Variants in ALX1 observed in about 807,000 individuals in gnomAD.
ALX1 encodes ALX homeobox 1, also known as ALX homeobox protein 1.
In ALX1, 19 loss-of-function variants were observed where a neutral mutation model predicts 31.7. The ratio of observed to expected loss-of-function variants is 0.60; its 90% CI spans 0.42 to 0.88. The LOEUF (loss-of-function observed/expected upper bound fraction) is 0.88, where lower values mean the gene tolerates loss of function less well. Ranked by LOEUF, ALX1 falls within the 40% of genes least tolerant of loss-of-function variation. The probability of loss-of-function intolerance (pLI) is 0.00; values close to 1 mark genes in which losing one functional copy is unlikely to be tolerated. For synonymous variants in ALX1, 153 were observed against 148.8 expected, an observed-to-expected ratio of 1.03 and a Z score of -0.20; for missense variants, 415 against 407.8, an observed-to-expected ratio of 1.02 and a Z score of -0.15.
rs1309358656 is a variant in ALX1 at position 85,280,467 on chromosome 12, C to T, written c.206C>T (p.Ser69Leu). The T allele has an allele frequency of 4.3e-6, 7 of 1,611,212 alleles. No homozygotes were observed. The highest frequency in any genetic ancestry group is 1.7e-5 in the Admixed American group (1 of 59,992). ...CATCACGTGCGCTTGGAGAGGACCT[C>T]GCCCTGTCAGGACAGCAGCGGTGAG... ...AEHHVRLERT[S>L]PCQDSSVNYG... is the part of the protein sequence containing the mutation. The change falls in exon 1 of 4, where the codon TCG becomes TTG. Residue 69 changes from serine to leucine, a missense_variant. Ser to Leu is a moderately radical substitution (Grantham distance 145). Coordinates refer to ENST00000316824, the MANE Select transcript of ALX1 (RefSeq NM_006982.3).
At chr12:85,289,706 G>A (rs868312159) in intron 3 of ALX1, among the ~76,000 whole-genome samples, 35 of 151,062 alleles carry the variant, frequency 2.3e-4, no homozygotes, top group Admixed American at 6.6e-4. Flanking sequence ...CAAAATTTCC[G>A]AAATTATGTG....
chr12:85,284,546 A>T (rs1392799349), intron 2 of ALX1, among the ~76,000 whole-genome samples: 2 of 152,134 alleles, frequency 1.3e-5, no homozygotes, highest in Admixed American at 6.5e-5. Flanking sequence ...TAATGGCTTT[A>T]AAGTAAATTT....
rs151189365 is a variant in ALX1, at chr12:85,297,963, T to C, written c.661-3192T>C. ...TCATCCATAAAATTTTGATTATATCTGCAAGATGGATCAGTCCATATTTTT... is the reference window on the plus strand; with the variant it reads ...TCATCCATAAAATTTTGATTATATCCGCAAGATGGATCAGTCCATATTTTT... On this transcript the variant is annotated intron_variant, in intron 3 of 3. Coordinates refer to ENST00000316824, the MANE Select transcript of ALX1 (RefSeq NM_006982.3). Among the ~76,000 whole-genome samples the C allele has an allele frequency of 5.2e-3, 784 of 151,828 alleles. 3 individuals carry two copies. The highest frequency in any genetic ancestry group is 0.018 in the African/African-American group (744 of 41,514).
Position 85,286,945 on chromosome 12 carries a change from T to G in ALX1, c.624T>G (p.Asp208Glu). The G allele has an allele frequency of 6.2e-7, 1 of 1,612,216 alleles. No individual in the cohort carries two copies. The highest frequency in any genetic ancestry group is 8.5e-7 in the Non-Finnish European group (1 of 1,178,594). Residue 208 changes from aspartate to glutamate, a missense_variant, in exon 3 of 4, where the codon GAT (aspartate) becomes GAG (glutamate). Asp to Glu is a conservative substitution (Grantham distance 45). Transcript: ENST00000316824. ...AAAGCCATTTTGCTGCCACCTATGA[T>G]ATATCAGTTTTGCCAAGGACTGACA... ...QAKSHFAATY[D>E]ISVLPRTDSY...
chr12:85,284,370 A>G (rs1452100789), intron 2 of ALX1, among the ~76,000 whole-genome samples: 1 of 151,364 alleles, frequency 6.6e-6, no homozygotes, highest in African/African-American at 2.4e-5. Flanking sequence ...ACAAATTCCC[A>G]ATTGTTATGT....
At position 85,301,602 on chromosome 12, in the gene ALX1, G is replaced by C; in HGVS notation, c.*127G>C. ...AAGGTCAAGATATTCAGTGAGACCA[G>C]CTTAAATGAATAGTTGTTATTTAAC... is the stretch of plus-strand genomic sequence containing the variant. On this transcript the variant is annotated 3_prime_UTR_variant, in exon 4 of 4. Coordinates refer to ENST00000316824, the MANE Select transcript of ALX1 (RefSeq NM_006982.3). The C allele has an allele frequency of 2.1e-6, 2 of 941,250 alleles. No homozygotes were observed. Among genetic ancestry groups the C allele is most frequent in the East Asian group, 2.6e-5 (1 of 38,508 alleles). 58.3% of individuals were successfully genotyped at this position (941,250 alleles called of 1,614,324 possible).
In ALX1 at chr12:85,280,259, A is replaced by C; in HGVS notation, c.-3A>C. ...AGGAGCTACGCGACAGTCTTCCAGG[A>C]TTATGGAGTTTCTGAGCGAGAAGTT... On this transcript the variant is annotated 5_prime_UTR_variant, in exon 1 of 4. Transcript: ENST00000316824. The C allele has an allele frequency of 6.2e-7, 1 of 1,600,068 alleles. No homozygotes were observed. Among genetic ancestry groups the C allele is most frequent in the South Asian group, 1.1e-5 (1 of 90,938 alleles).
intron 2 of ALX1, 65 bp downstream of exon 2, chr12:85,283,941 T>A: frequency 6.4e-7 from 1 of 1,557,950 alleles, no homozygotes; most frequent in Non-Finnish European, 8.8e-7. Flanking sequence ...AATAATTGAA[T>A]AAGTGCATTT....
At chr12:85,299,767 A>T (rs897946004) in intron 3 of ALX1, among the ~76,000 whole-genome samples, 2 of 151,874 alleles carry the variant, frequency 1.3e-5, no homozygotes, top group African/African-American at 4.8e-5. Flanking sequence ...CTTATTTGAA[A>T]ATTAGTTGCC....
At chr12:85,288,898 A>C (rs1896782705) in intron 3 of ALX1, among the ~76,000 whole-genome samples, 1 of 151,426 alleles carries the variant, frequency 6.6e-6, no homozygotes, top group Non-Finnish European at 1.5e-5. Flanking sequence ...CAACCAGAGA[A>C]ATAACAATAA....
At chr12:85,285,535 T>C (rs1255008409) in intron 2 of ALX1, among the ~76,000 whole-genome samples, 1 of 151,986 alleles carries the variant, frequency 6.6e-6, no homozygotes, top group Admixed American at 6.6e-5. Flanking sequence ...ATAATGAACA[T>C]GTAGCTCTCT....
intron 3 of ALX1, among the ~76,000 whole-genome samples, chr12:85,296,328 G>A (rs1368942005): frequency 6.6e-6 from 1 of 151,468 alleles, no homozygotes; most frequent in African/African-American, 2.4e-5. Flanking sequence ...ATATATTTAT[G>A]TATTTTCCCT....
At chr12:85,293,658 T>C (rs1896848260) in intron 3 of ALX1, among the ~76,000 whole-genome samples, 1 of 150,916 alleles carries the variant, frequency 6.6e-6, no homozygotes, top group African/African-American at 2.4e-5. Flanking sequence ...GGAAACTAAA[T>C]CAGTAAGTTG....
chr12:85,287,737 T>G (rs1896767982), intron 3 of ALX1, among the ~76,000 whole-genome samples: 1 of 151,556 alleles, frequency 6.6e-6, no homozygotes, highest in Non-Finnish European at 1.5e-5. Flanking sequence ...TGTGTCACTT[T>G]TTCCTAATAC....
intron 2 of ALX1, among the ~76,000 whole-genome samples, chr12:85,284,573 A>T (rs1457302645): frequency 2.6e-5 from 4 of 152,160 alleles, no homozygotes; most frequent in African/African-American, 9.6e-5. Context: ...ATACTCAATT[A>T]TGTTTATAAG....
At chr12:85,290,948 C>G (rs1352017777) in intron 3 of ALX1, among the ~76,000 whole-genome samples, 2 of 151,002 alleles carry the variant, frequency 1.3e-5, no homozygotes, top group African/African-American at 4.8e-5. Flanking sequence ...TACTAGTCAC[C>G]TTTGTATCAC....
intron 3 of ALX1, among the ~76,000 whole-genome samples, chr12:85,289,378 T>C (rs1487802110): frequency 6.6e-6 from 1 of 151,240 alleles, no homozygotes; most frequent in Admixed American, 6.6e-5. Flanking sequence ...CAAAGCTTTA[T>C]ATATTATTAA....
Position 85,283,691 on chromosome 12 carries a change from C to A in ALX1, c.346C>A (p.Leu116Met), listed in dbSNP as rs748794206. Residue 116 changes from leucine to methionine, a missense_variant, in exon 2 of 4, where the codon CTG becomes ATG. Transcript: ENST00000316824. ...PVKGMQEKGE[L>M]DELGDKCDSN... ...GAAAGGGATGCAAGAGAAGGGAGAG[C>A]TGGATGAACTTGGGGATAAATGTGA... The A allele has an allele frequency of 1.2e-6, 2 of 1,614,020 alleles. No individual in the cohort carries two copies. The highest frequency in any genetic ancestry group is 1.7e-6 in the Non-Finnish European group (2 of 1,180,030).
chr12:85,288,500 C>T (rs1896777908), intron 3 of ALX1, among the ~76,000 whole-genome samples: 1 of 151,338 alleles, frequency 6.6e-6, no homozygotes, highest in Non-Finnish European at 1.5e-5. Flanking sequence ...AGTTTGAGTG[C>T]CGTTAGTTTC....
Sources: gnomAD v4.1 joint callset for allele counts (sites outside exome capture counted in the v4.1 genomes callset) on GRCh38, gnomAD v4.1.1 for gene constraint, MANE v1.5 for transcripts, NCBI Gene and HGNC (gene_info 2026-07-23, HGNC 2026-07-21) for gene names.